Variants in WWC2 observed in about 807,000 individuals in gnomAD.
The protein encoded by WWC2 is protein WWC2.
A neutral mutation model predicts 138.5 loss-of-function variants in WWC2; 101 were observed. The observed-to-expected ratio is 0.73, with a 90% CI of 0.62 to 0.86. The LOEUF is 0.86. WWC2 is among the 40% of genes least tolerant of loss of function. The probability of loss-of-function intolerance (pLI) is 0.00; values close to 1 mark genes in which losing one functional copy is unlikely to be tolerated. For synonymous variants in WWC2, 558 were observed against 538.4 expected (o/e 1.04, Z -0.50); for missense variants, 1,420 against 1,419.4 (o/e 1.00, Z -0.01).
rs1411525336 is a variant in WWC2, at chr4:183,320,288, T to G, written c.*4559T>G. 3.7e-6 allele frequency: 5 copies of G among 1,365,404 alleles called. No individual in the cohort carries two copies. Among genetic ancestry groups the G allele is most frequent in the Non-Finnish European group, 5.1e-6 (5 of 986,898 alleles). The allele number at this position is 1,365,404 out of a possible 1,614,324, so 84.6% of individuals were successfully genotyped here. A position where few individuals can be genotyped will look rare whatever the true frequency, so the allele number is the denominator to read the frequency against. ...GTTGCTGTGAAAAGAAGTGTGACAC[T>G]TGTGTTATAACTTATGAAACTCAGA... On this transcript the variant is annotated 3_prime_UTR_variant, in exon 23 of 23. Coordinates refer to ENST00000403733, the MANE Select transcript of WWC2 (RefSeq NM_024949.6).
chr4:183,184,960 G>A (rs1734747037), intron 1 of WWC2, among the ~76,000 whole-genome samples: 1 of 152,128 alleles, frequency 6.6e-6, no homozygotes, highest in South Asian at 2.1e-4. Flanking sequence ...AAAGCCTTCA[G>A]GTTTATTTTT....
intron 9 of WWC2, among the ~76,000 whole-genome samples, chr4:183,256,058 C>G (rs1434000331): frequency 6.6e-6 from 1 of 151,956 alleles, no homozygotes; most frequent in Non-Finnish European, 1.5e-5. Context: ...GCCCTGTCTC[C>G]CATGATTGGA....
At chr4:183,142,664 G>T (rs1484851050) in intron 1 of WWC2, among the ~76,000 whole-genome samples, 1 of 152,182 alleles carries the variant, frequency 6.6e-6, no homozygotes, top group Non-Finnish European at 1.5e-5. Context: ...GTGGTTTGGG[G>T]AGCTGTGTCG....
intron 4 of WWC2, among the ~76,000 whole-genome samples, chr4:183,228,929 A>G (rs1428643034): frequency 6.6e-6 from 1 of 152,104 alleles, no homozygotes; most frequent in East Asian, 1.9e-4. Flanking sequence ...ATGCAGCAGC[A>G]CAGTGTTGAG....
intron 2 of WWC2, among the ~76,000 whole-genome samples, chr4:183,204,193 T>TA (rs1735382032): frequency 6.6e-6 from 1 of 152,210 alleles, no homozygotes; most frequent in South Asian, 2.1e-4. Flanking sequence ...ACCTGGGAGT[T>TA]CTTTCTGTCT....
At chr4:183,258,846 A>G (rs1281992772) in intron 9 of WWC2, among the ~76,000 whole-genome samples, 1 of 152,200 alleles carries the variant, frequency 6.6e-6, no homozygotes, top group Non-Finnish European at 1.5e-5. Flanking sequence ...CATGATGTCT[A>G]AAGACCTTCA....
Position 183,261,346 on chromosome 4 carries a change from G to T in WWC2, c.1723G>T (p.Asp575Tyr), listed in dbSNP as rs1255363363. 1 of 1,613,224 alleles carries T rather than the reference G, an allele frequency of 6.2e-7. No homozygotes were observed. The highest frequency in any genetic ancestry group is 8.5e-7 in the Non-Finnish European group (1 of 1,179,650). The change falls in exon 11 of 23, where the codon GAT becomes TAT. Residue 575 changes from aspartate to tyrosine, a missense_variant. Transcript: ENST00000403733. ...EGTFPMSSSH[D>Y]ASLHQFTADF... ...CACGTTTCCCATGTCTTCTTCTCATGATGCCTCTCTCCATCAGTTCACTGC... is the reference window on the plus strand; with the variant it reads ...CACGTTTCCCATGTCTTCTTCTCATTATGCCTCTCTCCATCAGTTCACTGC...
intron 1 of WWC2, among the ~76,000 whole-genome samples, chr4:183,176,993 G>A (rs913916983): frequency 6.6e-6 from 1 of 152,016 alleles, no homozygotes; most frequent in Non-Finnish European, 1.5e-5. Context: ...CCAGAAGATA[G>A]GTTCATTGAA....
At chr4:183,258,503 A>G (rs1007951612) in intron 9 of WWC2, among the ~76,000 whole-genome samples, 3 of 152,260 alleles carry the variant, frequency 2.0e-5, no homozygotes, top group Non-Finnish European at 4.4e-5. Context: ...CAAAGAGATT[A>G]GAAATTAAGG....
At chr4:183,236,460 G>A (rs57547282) in intron 4 of WWC2, among the ~76,000 whole-genome samples, 4,519 of 152,202 alleles carry the variant, frequency 0.03, 232 homozygotes, top group African/African-American at 0.1. Context: ...CAGCGAGATT[G>A]GTTACAGCTT....
At chr4:183,271,655 C>T (rs574445122) in intron 16 of WWC2, among the ~76,000 whole-genome samples, 2 of 152,274 alleles carry the variant, frequency 1.3e-5, no homozygotes, top group South Asian at 4.1e-4. Context: ...TAAGCCAAAA[C>T]AGTGTGTTAG....
At chr4:183,222,737 C>G (rs1033572513) in intron 4 of WWC2, among the ~76,000 whole-genome samples, 6 of 152,056 alleles carry the variant, frequency 3.9e-5, no homozygotes, top group Admixed American at 2.6e-4. Context: ...GCGGGCAGAT[C>G]ACTTGAGGCC....
chr4:183,234,467 A>C (rs2111296191), intron 4 of WWC2, among the ~76,000 whole-genome samples: 1 of 152,336 alleles, frequency 6.6e-6, no homozygotes, highest in Non-Finnish European at 1.5e-5. Flanking sequence ...GGAATAATGA[A>C]GTTTCTAAGG....
At chr4:183,300,369 T>C (rs1580164728) in intron 21 of WWC2, among the ~76,000 whole-genome samples, 2 of 151,940 alleles carry the variant, frequency 1.3e-5, no homozygotes, top group African/African-American at 4.8e-5. Context: ...ATAGAGTGTT[T>C]CCCTGTCAAA....
intron 1 of WWC2, among the ~76,000 whole-genome samples, chr4:183,180,778 G>A (rs1734608514): frequency 2.0e-5 from 3 of 151,122 alleles, no homozygotes. Context: ...ATTCCAGAAA[G>A]GGTAAATCTG....
In WWC2 at chr4:183,249,979, A is replaced by C; in HGVS notation, c.939A>C (p.Glu313Asp). The part of the protein sequence containing the change: ...AEKVRLSLQY[E>D]EAKRSMANLK... The stretch of plus-strand genomic sequence containing the variant: ...AGGTCAGGCTAAGCCTACAGTATGA[A>C]GAAGCCAAAAGAAGGTAATGACAGA... Residue 313 changes from glutamate to aspartate, a missense_variant, in exon 8 of 23, where the codon GAA becomes GAC. Coordinates refer to ENST00000403733, the MANE Select transcript of WWC2 (RefSeq NM_024949.6). 6.2e-7 allele frequency: 1 copy of C among 1,613,724 alleles called. No homozygotes were observed. Among genetic ancestry groups the C allele is most frequent in the South Asian group, 1.1e-5 (1 of 90,972 alleles).
chr4:183,211,474 G>T lies in WWC2; in HGVS notation c.522+2449G>T, dbSNP rs202073022. On this transcript the variant is annotated intron_variant, in intron 4 of 22. Transcript: ENST00000403733. ...GTTTGTTTTAGGTAGTCAGGCCAGGGTCAGGTAATTTTAATATAATCATGA... is the reference window on the plus strand; with the variant it reads ...GTTTGTTTTAGGTAGTCAGGCCAGGTTCAGGTAATTTTAATATAATCATGA... Among the ~76,000 whole-genome samples the T allele has an allele frequency of 2.6e-5, 4 of 152,170 alleles. No individual in the cohort carries two copies. In the East Asian group the frequency reaches 7.7e-4, roughly 29 times the overall value.
chr4:183,182,357 T>C (rs926405525), intron 1 of WWC2, among the ~76,000 whole-genome samples: 3 of 152,350 alleles, frequency 2.0e-5, no homozygotes, highest in Non-Finnish European at 2.9e-5. Context: ...TGGCTGTGTG[T>C]TGAACTACAG....
At chr4:183,315,138 CCT>C (rs768329368) in intron 22 of WWC2, among the ~76,000 whole-genome samples, 1 of 152,228 alleles carries the variant, frequency 6.6e-6, no homozygotes, top group Non-Finnish European at 1.5e-5. Flanking sequence ...CCTGTCTCAG[CCT>C]CTCCGCTGCT....
Sources: gnomAD v4.1 joint callset for allele counts (sites outside exome capture counted in the v4.1 genomes callset) on GRCh38, gnomAD v4.1.1 for gene constraint, MANE v1.5 for transcripts, NCBI Gene and HGNC (gene_info 2026-07-23, HGNC 2026-07-21) for gene names.